Variants in INPP5K observed in about 807,000 individuals in gnomAD.
The protein encoded by INPP5K is inositol polyphosphate-5-phosphatase K.
Under a neutral mutation model 53.5 loss-of-function variants are expected in INPP5K, and 35 were observed. The observed-to-expected ratio is 0.65, with a 90% CI of 0.50 to 0.87. INPP5K has a LOEUF of 0.87. INPP5K is among the 40% of genes least tolerant of loss of function. INPP5K has a pLI of 0.00. For missense variants in INPP5K, 550 were observed against 586.2 expected (o/e 0.94, Z 0.64); for synonymous variants, 253 against 232.8 (o/e 1.09, Z -0.79).
chr17:1,498,616 T>A (rs1235051224), intron 7 of INPP5K, among the ~76,000 whole-genome samples: 1 of 152,158 alleles, frequency 6.6e-6, no homozygotes, highest in Non-Finnish European at 1.5e-5. Flanking sequence ...AATTTTATTT[T>A]TTTAAAGAGA....
At chr17:1,515,597 G>C in intron 1 of INPP5K, 1 of 985,682 alleles carries the variant, frequency 1.0e-6, no homozygotes, top group Non-Finnish European at 1.2e-6. Context: ...TGGAATGGCA[G>C]AGGGTACAGG....
intron 8 of INPP5K, 48 bp from the exon 9 acceptor site, chr17:1,496,851 TC>T: frequency 6.3e-7 from 1 of 1,593,570 alleles, no homozygotes; most frequent in Non-Finnish European, 8.6e-7. Context: ...CATCATTCCC[TC>T]CTCTGAGGCC....
intron 1 of INPP5K, among the ~76,000 whole-genome samples, chr17:1,514,238 G>A (rs2075380074): frequency 6.6e-6 from 1 of 151,580 alleles, no homozygotes; most frequent in Non-Finnish European, 1.5e-5. Flanking sequence ...CAGGAGAATT[G>A]CTTGAACCCA....
At position 1,495,532 on chromosome 17, in the gene INPP5K, G is replaced by A; in HGVS notation, c.*291C>T. ...TACTTGGGCAAGACTAGAAGAGGGGGTAGGAATCCAGAAATGAGACGCAGA... is the reference window on the plus strand; with the variant it reads ...TACTTGGGCAAGACTAGAAGAGGGGATAGGAATCCAGAAATGAGACGCAGA... On this transcript the variant is annotated 3_prime_UTR_variant, in exon 12 of 12. Transcript: ENST00000421807. The A allele has an allele frequency of 2.5e-6, 1 of 401,358 alleles. No individual in the cohort carries two copies. Among genetic ancestry groups the A allele is most frequent in the South Asian group, 3.2e-5 (1 of 31,080 alleles). The allele number at this position is 401,358 out of a possible 1,614,324, so 24.9% of individuals were successfully genotyped here. A position where few individuals can be genotyped will look rare whatever the true frequency, so the allele number is the denominator to read the frequency against.
chr17:1,504,802 G>A (rs1022854947), intron 7 of INPP5K, among the ~76,000 whole-genome samples: 16 of 152,196 alleles, frequency 1.1e-4, no homozygotes, highest in Non-Finnish European at 1.3e-4. Context: ...TCCTTAGCGG[G>A]AGTCTGCCTT....
At chr17:1,515,818 C>T (rs1454780486) in intron 1 of INPP5K, 1 of 800,982 alleles carries the variant, frequency 1.2e-6, no homozygotes, top group Non-Finnish European at 1.5e-6. Flanking sequence ...TTTACGATCT[C>T]CCCCTGCTGT....
intron 6 of INPP5K, chr17:1,507,848 ATTC>A (rs1378928547): frequency 1.2e-5 from 4 of 322,370 alleles, no homozygotes; most frequent in African/African-American, 4.4e-5. Flanking sequence ...CCCGGCCCCT[ATTC>A]TTCTTTTTTA....
At chr17:1,511,777 G>A (rs2075315120) in intron 3 of INPP5K, among the ~76,000 whole-genome samples, 2 of 151,650 alleles carry the variant, frequency 1.3e-5, no homozygotes, top group Admixed American at 6.6e-5. Flanking sequence ...AAAAGTTTCA[G>A]GCTTAATCCC....
At chr17:1,510,921 T>A (rs1344802198) in intron 3 of INPP5K, among the ~76,000 whole-genome samples, 1 of 152,170 alleles carries the variant, frequency 6.6e-6, no homozygotes, top group Non-Finnish European at 1.5e-5. Context: ...GCCACTGTAC[T>A]CGGCCTGCTC....
At chr17:1,502,094 A>C (rs916566133) in intron 7 of INPP5K, among the ~76,000 whole-genome samples, 1 of 151,858 alleles carries the variant, frequency 6.6e-6, no homozygotes, top group African/African-American at 2.4e-5. Flanking sequence ...TCACGCCTGT[A>C]ATCCCAGCAC....
intron 1 of INPP5K, among the ~76,000 whole-genome samples, chr17:1,514,802 A>C (rs1314483043): frequency 6.6e-6 from 1 of 152,112 alleles, no homozygotes; most frequent in African/African-American, 2.4e-5. Context: ...ACAAGGGCAG[A>C]GGAATTTAAA....
At position 1,516,452 on chromosome 17, in the gene INPP5K, T is replaced by C. The variant is rs748235914; in HGVS notation, c.44+4A>G. 3 of 1,591,244 alleles carry C rather than the reference T, an allele frequency of 1.9e-6. No homozygotes were observed. The highest frequency in any genetic ancestry group is 2.5e-6 in the Non-Finnish European group (3 of 1,176,708). ...GCCTGCCTCTGCCGCCAGGGTGCCCTCACCTGAGCCTCCTGCCTTTCGGCC... is the reference window on the plus strand; with the variant it reads ...GCCTGCCTCTGCCGCCAGGGTGCCCCCACCTGAGCCTCCTGCCTTTCGGCC... On this transcript the variant is annotated splice_donor_region_variant and intron_variant, in intron 1 of 11. Coordinates refer to ENST00000421807, the MANE Select transcript of INPP5K (RefSeq NM_016532.4).
rs1241482965 is a variant in INPP5K, at chr17:1,509,149, G to C, written c.554+29C>G. 3 of 1,393,260 alleles carry C rather than the reference G, an allele frequency of 2.2e-6. No individual in the cohort carries two copies. In the African/African-American group the frequency reaches 9.3e-5, roughly 43 times the overall value. The allele number at this position is 1,393,260 out of a possible 1,614,324, so 86.3% of individuals were successfully genotyped here. ...TGGGGGTTAGCGTGGGGCAGAGGGC[G>C]GGGAACGGTCTGCCAGACCCAGGCT... On this transcript the variant is annotated intron_variant, in intron 5 of 11. Coordinates refer to ENST00000421807, the MANE Select transcript of INPP5K (RefSeq NM_016532.4).
At position 1,509,305 on chromosome 17, in the gene INPP5K, C is replaced by T. The variant is rs147375994; in HGVS notation, c.427G>A (p.Val143Ile). 3.6e-4 allele frequency: 584 copies of T among 1,614,030 alleles called. 1 individual carries two copies. In the African/African-American group the frequency reaches 7.2e-3, roughly 20 times the overall value. Residue 143 changes from valine (V) to isoleucine (I), a missense_variant, in exon 5 of 12, where the codon GTC (valine) becomes ATC (isoleucine). Val to Ile is a conservative substitution (Grantham distance 29, BLOSUM62 3). Coordinates refer to ENST00000421807, the MANE Select transcript of INPP5K (RefSeq NM_016532.4). Reference sequence around the variant, plus strand: ...GGCAGGTGGCAGTTGATGATGCTGACATAGTAGCCATAAAGCTTCAGGCAG... The same window carrying T: ...GGCAGGTGGCAGTTGATGATGCTGATATAGTAGCCATAAAGCTTCAGGCAG... ...NICLKLYGYYVSIINCHLPPH... is the reference protein window; with the variant it reads ...NICLKLYGYYISIINCHLPPH...
intron 3 of INPP5K, among the ~76,000 whole-genome samples, chr17:1,512,236 C>T (rs975910219): frequency 6.6e-6 from 1 of 152,178 alleles, no homozygotes; most frequent in African/African-American, 2.4e-5. Flanking sequence ...TTCCATCCTA[C>T]CAATCCTTTG....
chr17:1,510,725 CA>C (rs2098887834), intron 3 of INPP5K, among the ~76,000 whole-genome samples: 2 of 152,314 alleles, frequency 1.3e-5, no homozygotes, highest in Admixed American at 1.3e-4. Flanking sequence ...ATCCTGGGCT[CA>C]GGCAATCCTC....
intron 8 of INPP5K, among the ~76,000 whole-genome samples, chr17:1,497,602 G>A (rs1404420299): frequency 2.0e-5 from 3 of 152,118 alleles, no homozygotes; most frequent in Non-Finnish European, 2.9e-5. Context: ...GGGAGCGCCC[G>A]TTGCAACTTG....
chr17:1,510,224 CT>C (rs1160294544), intron 3 of INPP5K, among the ~76,000 whole-genome samples: 4 of 150,082 alleles, frequency 2.7e-5, no homozygotes, highest in Non-Finnish European at 3.0e-5. Context: ...TTTCAGCATT[CT>C]TTTTTTTTTG....
intron 7 of INPP5K, among the ~76,000 whole-genome samples, chr17:1,501,099 T>C (rs920232526): frequency 1.3e-4 from 20 of 151,884 alleles, no homozygotes; most frequent in Non-Finnish European, 2.9e-5. Flanking sequence ...GCTGGGATTA[T>C]AGGCGTTGAG....
Sources: allele counts gnomAD v4.1 joint callset (sites outside exome capture counted in the v4.1 genomes callset), GRCh38; gene constraint gnomAD v4.1.1; transcripts MANE v1.5; gene names NCBI Gene and HGNC (gene_info 2026-07-23, HGNC 2026-07-21).